The following AFTPH variants were observed in gnomAD, a reference collection of about 807,000 sequenced individuals.
The protein encoded by AFTPH is aftiphilin, also known as aftiphilin protein.
In AFTPH, 7 loss-of-function variants were observed where a neutral mutation model predicts 72.5. That is an observed-to-expected ratio of 0.10 (90% CI 0.05 to 0.18). The LOEUF (loss-of-function observed/expected upper bound fraction) is 0.18. Among genes scored for constraint, AFTPH ranks in the 10% least tolerant of loss-of-function variants. The pLI, the probability that AFTPH is intolerant of heterozygous loss-of-function variation, is 1.00. For missense variants in AFTPH, 979 were observed against 1,060.5 expected (o/e 0.92, Z 1.07); for synonymous variants, 337 against 370.1 (o/e 0.91, Z 1.03).
Position 64,551,465 on chromosome 2 carries a change from C to T in AFTPH, c.-10C>T, listed in dbSNP as rs191274555. On this transcript the variant is annotated 5_prime_UTR_variant, in exon 2 of 9. Transcript: ENST00000238856. ...CAGGTGTAAATTAATTATTTGAAAG[C>T]AACTGAACAATGGAGCCAGACATCA... 8.7e-5 allele frequency: 139 copies of T among 1,604,320 alleles called. 1 individual carries two copies. The Admixed American group carries it at 2.4e-3, about 27-fold the overall frequency.
At chr2:64,584,881 C>T (rs1042038425) in intron 7 of AFTPH, among the ~76,000 whole-genome samples, 4 of 152,124 alleles carry the variant, frequency 2.6e-5, no homozygotes, top group Non-Finnish European at 5.9e-5. Flanking sequence ...CAGGCGTGAG[C>T]CACCGCGCCT....
intron 1 of AFTPH, among the ~76,000 whole-genome samples, chr2:64,528,724 A>G (rs1179932411): frequency 6.6e-6 from 1 of 152,112 alleles, no homozygotes; most frequent in Non-Finnish European, 1.5e-5. Flanking sequence ...TCTGGGGTGG[A>G]TAGAATAGGG....
chr2:64,581,259 G>GCAC, intron 7 of AFTPH: 1 of 1,596,882 alleles, frequency 6.3e-7, no homozygotes, highest in Non-Finnish European at 8.5e-7. Context: ...TCTAGCAGCA[G>GCAC]CACCACAATC....
At chr2:64,579,060 T>TATTAGCCCATAATTTTCAAAATCTGGA (rs1673004034) in intron 6 of AFTPH, 1 of 154,310 alleles carries the variant, frequency 6.5e-6, no homozygotes, top group African/African-American at 2.4e-5. Flanking sequence ...AAAAATGTCT[T>TATTAGCCCATAATTTTCAAAATCTGGA]ATTAGCCCAT....
intron 6 of AFTPH, among the ~76,000 whole-genome samples, chr2:64,577,827 A>G (rs1035963965): frequency 6.6e-6 from 1 of 152,224 alleles, no homozygotes; most frequent in Non-Finnish European, 1.5e-5. Context: ...ACCCTTCACC[A>G]GTTTCCTCCA....
chr2:64,591,647 C>G (rs937734775), intron 8 of AFTPH, among the ~76,000 whole-genome samples: 1 of 152,190 alleles, frequency 6.6e-6, no homozygotes, highest in Non-Finnish European at 1.5e-5. Context: ...ATGTGAGTAT[C>G]TGTGTGTGCA....
intron 1 of AFTPH, among the ~76,000 whole-genome samples, chr2:64,538,159 T>C (rs1392760616): frequency 6.6e-6 from 1 of 152,176 alleles, no homozygotes; most frequent in African/African-American, 2.4e-5. Context: ...ATGTATTTCT[T>C]CTGTGAGTCA....
chr2:64,587,921 A>AT (rs1451385048), intron 8 of AFTPH, among the ~76,000 whole-genome samples: 55 of 152,130 alleles, frequency 3.6e-4, no homozygotes, highest in African/African-American at 1.1e-3. Flanking sequence ...ACTGAAGTTT[A>AT]TGCAGGTCAA....
At chr2:64,531,257 A>G (rs1669619098) in intron 1 of AFTPH, among the ~76,000 whole-genome samples, 1 of 152,104 alleles carries the variant, frequency 6.6e-6, no homozygotes, top group South Asian at 2.1e-4. Context: ...TTTTCATAGG[A>G]TCAAATCTTA....
intron 2 of AFTPH, among the ~76,000 whole-genome samples, chr2:64,559,250 A>T (rs1302412797): frequency 6.6e-6 from 1 of 152,196 alleles, no homozygotes; most frequent in Non-Finnish European, 1.5e-5. Flanking sequence ...TTCTCCAGAT[A>T]AACAGAACCA....
At chr2:64,556,128 C>T (rs1671356587) in intron 2 of AFTPH, among the ~76,000 whole-genome samples, 1 of 152,056 alleles carries the variant, frequency 6.6e-6, no homozygotes, top group Non-Finnish European at 1.5e-5. Context: ...GCTGGGACTA[C>T]AGGCCCATGC....
At chr2:64,532,268 T>C (rs1437660149) in intron 1 of AFTPH, among the ~76,000 whole-genome samples, 1 of 152,238 alleles carries the variant, frequency 6.6e-6, no homozygotes, top group South Asian at 2.1e-4. Context: ...GCCTAGAGCA[T>C]TGAAAACAAT....
At position 64,572,121 on chromosome 2, in the gene AFTPH, G is replaced by A. The variant is rs182242742; in HGVS notation, c.2272-825G>A. ...TGTAATCTTAGCTACTCGGGAGGCT[G>A]AGGCAGGAGAATCGCTTGAACCTGG... is the stretch of plus-strand genomic sequence containing the variant. On this transcript the variant is annotated intron_variant, in intron 5 of 8. Transcript: ENST00000238856. 6.6e-5 allele frequency among the ~76,000 whole-genome samples: 10 copies of A among 152,018 alleles called. No homozygotes were observed. In the East Asian group the frequency reaches 1.9e-3, roughly 29 times the overall value.
exon 2 of AFTPH, chr2:64,552,641 G>A: frequency 6.2e-7 from 1 of 1,614,180 alleles, no homozygotes; most frequent in Non-Finnish European, 8.5e-7. Flanking sequence ...AAAGTAGAAA[G>A]TTTACTAATT....
intron 6 of AFTPH, among the ~76,000 whole-genome samples, chr2:64,578,682 C>G (rs915172515): frequency 1.3e-5 from 2 of 151,866 alleles, no homozygotes; most frequent in Non-Finnish European, 2.9e-5. Context: ...CTCAGCCTCC[C>G]AAGTAGCTGG....
chr2:64,552,428 A>C (rs1671105640), exon 2 of AFTPH: 1 of 1,614,024 alleles, frequency 6.2e-7, no homozygotes, highest in Non-Finnish European at 8.5e-7. Context: ...AAGGCCTTCC[A>C]ACACTGCAAC....
At chr2:64,587,154 A>C (rs775849521) in intron 8 of AFTPH, among the ~76,000 whole-genome samples, 6 of 152,212 alleles carry the variant, frequency 3.9e-5, no homozygotes, top group Non-Finnish European at 8.8e-5. Context: ...AACTCTTCCA[A>C]GCCCTATCAC....
At chr2:64,534,672 G>A (rs1272859631) in intron 1 of AFTPH, among the ~76,000 whole-genome samples, 1 of 151,856 alleles carries the variant, frequency 6.6e-6, no homozygotes, top group Middle Eastern at 3.5e-3. Context: ...TTTGTTGTTG[G>A]TGTTGCTGTT....
At chr2:64,566,061 TGTTA>T (rs1294203163) in intron 2 of AFTPH, among the ~76,000 whole-genome samples, 2 of 152,174 alleles carry the variant, frequency 1.3e-5, no homozygotes, top group African/African-American at 2.4e-5. Context: ...AATTTGGCCA[TGTTA>T]GTTTTTTGTT....
Sources: gnomAD v4.1 joint callset for allele counts (sites outside exome capture counted in the v4.1 genomes callset) on GRCh38, gnomAD v4.1.1 for gene constraint, MANE v1.5 for transcripts, NCBI Gene and HGNC (gene_info 2026-07-23, HGNC 2026-07-21) for gene names.